Variants in CCSER1 observed in about 807,000 individuals in gnomAD.
CCSER1 encodes the protein serine-rich coiled-coil domain-containing protein 1.
A neutral mutation model predicts 82.0 loss-of-function variants in CCSER1; 41 were observed. That is an observed-to-expected ratio of 0.50 (90% confidence interval 0.39 to 0.65). The LOEUF (loss-of-function observed/expected upper bound fraction) is 0.65. Ranked by LOEUF, CCSER1 falls within the 30% of genes least tolerant of loss-of-function variation. The pLI is 0.00. For missense variants in CCSER1, 1,119 were observed against 1,064.2 expected, an observed-to-expected ratio of 1.05 and a Z score of -0.72; for synonymous variants, 414 against 383.9, an observed-to-expected ratio of 1.08 and a Z score of -0.92.
chr4:90,274,207 C>T (rs1376720191), intron 1 of CCSER1, among the ~76,000 whole-genome samples: 1 of 151,900 alleles, frequency 6.6e-6, no homozygotes, highest in Non-Finnish European at 1.5e-5. Flanking sequence ...AGAGCTTTAC[C>T]CAAACTTTAA....
chr4:90,755,640 T>C (rs1410004292), intron 7 of CCSER1, among the ~76,000 whole-genome samples: 2 of 152,182 alleles, frequency 1.3e-5, no homozygotes. Flanking sequence ...AATTGCATAC[T>C]TAACTTTGAA....
intron 5 of CCSER1, among the ~76,000 whole-genome samples, chr4:90,515,533 A>G (rs1772149794): frequency 6.6e-6 from 1 of 152,160 alleles, no homozygotes; most frequent in African/African-American, 2.4e-5. Flanking sequence ...TCCACTGGGA[A>G]ATCTTCTTAA....
chr4:91,551,550 TTTA>T (rs1207928498), intron 10 of CCSER1, among the ~76,000 whole-genome samples: 1 of 151,944 alleles, frequency 6.6e-6, no homozygotes, highest in Non-Finnish European at 1.5e-5. Context: ...ATGCAGGGAT[TTTA>T]TTAACACCAA....
chr4:90,821,577 AATTT>A (rs1332485661), intron 8 of CCSER1, among the ~76,000 whole-genome samples: 1 of 152,212 alleles, frequency 6.6e-6, no homozygotes, highest in African/African-American at 2.4e-5. Flanking sequence ...TTACTAATTT[AATTT>A]ATTAAGATAT....
intron 10 of CCSER1, among the ~76,000 whole-genome samples, chr4:91,094,994 G>A (rs1724357954): frequency 6.6e-6 from 1 of 152,154 alleles, no homozygotes; most frequent in South Asian, 2.1e-4. Flanking sequence ...CAGGTCCAAG[G>A]TAGGCAGAAA....
At chr4:90,390,137 CT>C (rs1578231792) in intron 3 of CCSER1, among the ~76,000 whole-genome samples, 1 of 151,994 alleles carries the variant, frequency 6.6e-6, no homozygotes, top group Admixed American at 6.6e-5. Context: ...TGGCTAAAGT[CT>C]GCAGGAATCA....
chr4:91,009,160 A>C (rs182193055), intron 9 of CCSER1, among the ~76,000 whole-genome samples: 1 of 152,188 alleles, frequency 6.6e-6, no homozygotes, highest in Non-Finnish European at 1.5e-5. Context: ...ACAGCAAGAC[A>C]AAAGCTCAGC....
chr4:90,832,415 T>A (rs1159094262), intron 8 of CCSER1, among the ~76,000 whole-genome samples: 2 of 152,104 alleles, frequency 1.3e-5, no homozygotes, highest in African/African-American at 2.4e-5. Flanking sequence ...TGTTTTCTAG[T>A]GTGTGAAAAA....
chr4:90,532,838 C>T (rs531803206), intron 5 of CCSER1, among the ~76,000 whole-genome samples: 12 of 152,248 alleles, frequency 7.9e-5, no homozygotes, highest in South Asian at 2.1e-4. Flanking sequence ...CTTTGAGTAG[C>T]TTCCTCCTCT....
intron 1 of CCSER1, among the ~76,000 whole-genome samples, chr4:90,166,022 A>C (rs1380579519): frequency 6.6e-6 from 1 of 152,044 alleles, no homozygotes; most frequent in Non-Finnish European, 1.5e-5. Context: ...GACGGTCCCT[A>C]ACTTAAGATG....
chr4:90,383,250 TA>T (rs1038381157), intron 3 of CCSER1, among the ~76,000 whole-genome samples: 21 of 151,848 alleles, frequency 1.4e-4, no homozygotes, highest in Non-Finnish European at 1.2e-4. Context: ...AGGTTAGGCT[TA>T]AAAAAAACAT....
intron 3 of CCSER1, among the ~76,000 whole-genome samples, chr4:90,385,518 G>A (rs1749895619): frequency 6.7e-6 from 1 of 148,248 alleles, no homozygotes; most frequent in Admixed American, 6.7e-5. Flanking sequence ...GGAGTGCAGT[G>A]GCGCGATCTC....
chr4:91,019,272 C>T (rs1739708170), intron 9 of CCSER1, among the ~76,000 whole-genome samples: 1 of 151,750 alleles, frequency 6.6e-6, no homozygotes, highest in Non-Finnish European at 1.5e-5. Flanking sequence ...GACTGTCTCT[C>T]TCATTTAAAA....
At chr4:91,044,588 A>G (rs1042147376) in intron 9 of CCSER1, among the ~76,000 whole-genome samples, 3 of 152,096 alleles carry the variant, frequency 2.0e-5, no homozygotes, top group African/African-American at 7.2e-5. Flanking sequence ...TGGTCTGTCA[A>G]TTTCTCATAC....
chr4:91,487,920 A>G (rs1260988915), intron 10 of CCSER1, among the ~76,000 whole-genome samples: 1 of 152,066 alleles, frequency 6.6e-6, no homozygotes, highest in Non-Finnish European at 1.5e-5. Context: ...CTGAAATGTT[A>G]TATTTTTATT....
intron 7 of CCSER1, among the ~76,000 whole-genome samples, chr4:90,795,555 G>A (rs545885795): frequency 7.2e-5 from 11 of 152,304 alleles, no homozygotes; most frequent in South Asian, 4.1e-4. Context: ...GTGAGAGAAG[G>A]CATCCTTGTC....
intron 10 of CCSER1, among the ~76,000 whole-genome samples, chr4:91,543,924 A>C (rs1458150387): frequency 1.3e-5 from 2 of 152,046 alleles, no homozygotes; most frequent in East Asian, 3.9e-4. Context: ...TCTTTCCGTC[A>C]CTTTCAGGTA....
chr4:91,251,867 T>C (rs1224875712), intron 10 of CCSER1, among the ~76,000 whole-genome samples: 1 of 152,156 alleles, frequency 6.6e-6, no homozygotes, highest in East Asian at 1.9e-4. Flanking sequence ...CACTCAGCAG[T>C]TGCCATCGAA....
chr4:90,980,328 C>A (rs918335127), intron 9 of CCSER1, among the ~76,000 whole-genome samples: 3 of 151,690 alleles, frequency 2.0e-5, no homozygotes, highest in Admixed American at 2.0e-4. Context: ...GTGAACAGCA[C>A]AGAGCCCAAT....
Sources: allele counts gnomAD v4.1 joint callset (sites outside exome capture counted in the v4.1 genomes callset), GRCh38; gene constraint gnomAD v4.1.1; transcripts MANE v1.5; gene names NCBI Gene and HGNC (gene_info 2026-07-23, HGNC 2026-07-21).